The following BARX2 variants were observed in gnomAD, a reference collection of about 807,000 sequenced individuals.
BARX2 encodes the protein BARX homeobox 2, also known as homeobox protein BarH-like 2.
In BARX2, 11 loss-of-function variants were observed where a neutral mutation model predicts 25.5. The ratio of observed to expected loss-of-function variants is 0.43; its 90% CI spans 0.27 to 0.71. The LOEUF (loss-of-function observed/expected upper bound fraction) is 0.71, where lower values mean the gene tolerates loss of function less well. Ranked by LOEUF, BARX2 falls within the 30% of genes least tolerant of loss-of-function variation. The pLI is 0.19. For missense variants in BARX2, 360 were observed against 359.9 expected (o/e 1.00, Z 0.00); for synonymous variants, 137 against 149.5 (o/e 0.92, Z 0.61).
chr11:129,439,486 G>T (rs1591447084), intron 2 of BARX2, among the ~76,000 whole-genome samples: 1 of 152,080 alleles, frequency 6.6e-6, no homozygotes, highest in African/African-American at 2.4e-5. Flanking sequence ...GTGTCCATGT[G>T]TGAGAAGAGG....
intron 2 of BARX2, 50 bp downstream of exon 2, chr11:129,437,101 G>A (rs753646958): frequency 2.0e-5 from 29 of 1,480,640 alleles, no homozygotes; most frequent in Non-Finnish European, 2.4e-5. Context: ...CTGGGAACGG[G>A]AGACTTGCTC....
Position 129,399,203 on chromosome 11 carries a change from G to A in BARX2, c.187+22981G>A, listed in dbSNP as rs1861752005. ...TCAGTATTGTAGGCTCTCTGGGAGT[G>A]CAGTTAATTAGGCAGCTTCTTAATT... On this transcript the variant is annotated intron_variant, in intron 1 of 3. Coordinates refer to ENST00000281437, the MANE Select transcript of BARX2 (RefSeq NM_003658.5). Among the ~76,000 whole-genome samples the A allele has an allele frequency of 2.0e-5, 3 of 152,268 alleles. No individual in the cohort carries two copies. The South Asian group carries it at 6.2e-4, about 32-fold the overall frequency.
At chr11:129,447,078 A>G (rs189038351) in intron 3 of BARX2, among the ~76,000 whole-genome samples, 1 of 152,302 alleles carries the variant, frequency 6.6e-6, no homozygotes, top group Admixed American at 6.5e-5. Context: ...TAAGACTGTT[A>G]GACTCAAATG....
intron 1 of BARX2, among the ~76,000 whole-genome samples, chr11:129,414,103 G>C (rs1012261879): frequency 1.6e-4 from 24 of 151,980 alleles, no homozygotes; most frequent in African/African-American, 4.8e-4. Flanking sequence ...AATAGCTCGG[G>C]GATTATTTAG....
intron 1 of BARX2, among the ~76,000 whole-genome samples, chr11:129,415,024 T>C (rs1479435607): frequency 6.6e-6 from 1 of 152,250 alleles, no homozygotes; most frequent in Admixed American, 6.5e-5. Context: ...TTTTATTTAG[T>C]ACTGTTAATT....
chr11:129,426,800 A>AT (rs10596885), intron 1 of BARX2, among the ~76,000 whole-genome samples: 3,133 of 146,240 alleles, frequency 0.021, 60 homozygotes, highest in Non-Finnish European at 0.029. Flanking sequence ...TTTTCTGTGG[A>AT]TTTTTTTTTT....
chr11:129,375,914 C>G lies in BARX2; in HGVS notation c.-122C>G. On this transcript the variant is annotated 5_prime_UTR_variant, in exon 1 of 4. Transcript: ENST00000281437. This position sits in a 1 kb window ranked among gnomAD's most constrained non-coding sequence, Gnocchi z 4.0. ...CTCTCCTCCGCGCGCCACCCGAGCCCCGCCGCCTCCCCAGCTGCCGGGAGC... is the reference window on the plus strand; with the variant it reads ...CTCTCCTCCGCGCGCCACCCGAGCCGCGCCGCCTCCCCAGCTGCCGGGAGC... 1.4e-5 allele frequency: 7 copies of G among 498,446 alleles called. No individual in the cohort carries two copies. The highest frequency in any genetic ancestry group is 1.8e-5 in the Non-Finnish European group (7 of 385,088). The allele number at this position is 498,446 out of a possible 1,614,324, so 30.9% of individuals were successfully genotyped here. A position where few individuals can be genotyped will look rare whatever the true frequency, so the allele number is the denominator to read the frequency against.
chr11:129,452,030 GTTT>G lies in BARX2; in HGVS notation c.*636_*638del, dbSNP rs144334162. 2 of 146,870 alleles carry G rather than the reference GTTT, an allele frequency of 1.4e-5. No homozygotes were observed. Among genetic ancestry groups the G allele is most frequent in the African/African-American group, 5.0e-5 (2 of 40,128 alleles). 9.1% of individuals were successfully genotyped at this position (146,870 alleles called of 1,614,324 possible). On this transcript the variant is annotated 3_prime_UTR_variant, in exon 4 of 4. Transcript: ENST00000281437. The stretch of plus-strand genomic sequence containing the variant: ...AAGACCCAAGAACTGATAAGCTTTG[GTTT>G]TTTTTTTGTTTTGTTTTGTTTTTTG...
rs569558311 is a variant in BARX2 at position 129,444,849 on chromosome 11, A to G, written c.573+1930A>G. On this transcript the variant is annotated intron_variant, in intron 3 of 3. Coordinates refer to ENST00000281437, the MANE Select transcript of BARX2 (RefSeq NM_003658.5). ...AAGTCCCGCCTCTACTAAAAATACAAAATTAGCTGGGTGTGGTGTTGGTTG... is the reference window on the plus strand; with the variant it reads ...AAGTCCCGCCTCTACTAAAAATACAGAATTAGCTGGGTGTGGTGTTGGTTG... 2.0e-3 allele frequency among the ~76,000 whole-genome samples: 306 copies of G among 152,062 alleles called. 2 individuals carry two copies. Among genetic ancestry groups the G allele is most frequent in the Non-Finnish European group, 3.0e-3 (204 of 67,964 alleles).
At chr11:129,406,161 C>T (rs1861827492) in intron 1 of BARX2, among the ~76,000 whole-genome samples, 2 of 152,224 alleles carry the variant, frequency 1.3e-5, no homozygotes, top group South Asian at 2.1e-4. Flanking sequence ...GATAAACACA[C>T]ATTCATCTGA....
rs1046435151 is a variant in BARX2, at chr11:129,436,883, C to T, written c.320C>T (p.Ser107Phe). ...TGCCACCAGGTCACCGAGGCGGTCT[C>T]TGCTGAGGCCCCAGGGGGCGAGGCC... ...LSCHQVTEAV[S>F]AEAPGGEALA... The change falls in exon 2 of 4, where the codon TCT becomes TTT. Residue 107 changes from serine (S) to phenylalanine (F), a missense_variant. Ser to Phe is a radical substitution (Grantham distance 155). Transcript: ENST00000281437. The surrounding 1 kb of genome is among the most constrained non-coding windows in gnomAD (Gnocchi z 4.5). The T allele has an allele frequency of 6.2e-7, 1 of 1,614,066 alleles. No homozygotes were observed.
intron 1 of BARX2, among the ~76,000 whole-genome samples, chr11:129,405,179 A>G (rs1424840575): frequency 6.6e-6 from 1 of 152,174 alleles, no homozygotes; most frequent in African/African-American, 2.4e-5. Context: ...ATGTGGCTCA[A>G]TTCTGGGATA....
chr11:129,437,022 G>C lies in BARX2; in HGVS notation c.459G>C (p.Gln153His). 1 of 1,590,428 alleles carries C rather than the reference G, an allele frequency of 6.3e-7. No individual in the cohort carries two copies. The highest frequency in any genetic ancestry group is 1.3e-5 in the African/African-American group (1 of 74,360). Residue 153 changes from glutamine (Q) to histidine (H), a missense_variant, in exon 2 of 4, where the codon CAG becomes CAC. Gln to His is a conservative substitution (Grantham distance 24, BLOSUM62 0). Transcript: ENST00000281437. ...TCATGGGCCTGGAGAAGAAATTCCA[G>C]AAGCAGAAGTATTTGTCAACCCCAG... ...LQLMGLEKKF[Q>H]KQKYLSTPDR...
In BARX2 at chr11:129,439,812, A is replaced by C. The variant is rs139435045; in HGVS notation, c.488+2761A>C. On this transcript the variant is annotated intron_variant, in intron 2 of 3. Coordinates refer to ENST00000281437, the MANE Select transcript of BARX2 (RefSeq NM_003658.5). ...GAGAGCCTCATGAACTTGTGCACCC[A>C]GTGGAGTGGGCACCTTTGTCTATGG... is the stretch of plus-strand genomic sequence containing the variant. Among the ~76,000 whole-genome samples, 3 of 152,272 alleles carry C rather than the reference A, an allele frequency of 2.0e-5. No individual in the cohort carries two copies. In the East Asian group the frequency reaches 5.8e-4, roughly 29 times the overall value.
At chr11:129,414,411 T>C (rs1861922585) in intron 1 of BARX2, among the ~76,000 whole-genome samples, 2 of 152,210 alleles carry the variant, frequency 1.3e-5, no homozygotes, top group Admixed American at 1.3e-4. Flanking sequence ...ATTCTAATGT[T>C]GGACTCTGGT....
chr11:129,437,069 G>A lies in BARX2; in HGVS notation c.488+18G>A, dbSNP rs766892634. 3.9e-6 allele frequency: 6 copies of A among 1,531,132 alleles called. No homozygotes were observed. The African/African-American group carries it at 8.3e-5, about 21-fold the overall frequency. The allele number at this position is 1,531,132 out of a possible 1,614,324, so 94.8% of individuals were successfully genotyped here. A position where few individuals can be genotyped will look rare whatever the true frequency, so the allele number is the denominator to read the frequency against. Reference sequence around the variant, plus strand: ...CCAGACAGGTGAGGACGCAGGGAAGGGACTCTCCGCAGTGAAGGCCCCTGG... The same window carrying A: ...CCAGACAGGTGAGGACGCAGGGAAGAGACTCTCCGCAGTGAAGGCCCCTGG... On this transcript the variant is annotated intron_variant, in intron 2 of 3. Coordinates refer to ENST00000281437, the MANE Select transcript of BARX2 (RefSeq NM_003658.5).
chr11:129,401,904 C>G (rs1861779416), intron 1 of BARX2, among the ~76,000 whole-genome samples: 1 of 148,750 alleles, frequency 6.7e-6, no homozygotes, highest in African/African-American at 2.5e-5. Context: ...TGTAGTGAGC[C>G]AAGATTGCAC....
chr11:129,439,912 A>AT (rs10694005), intron 2 of BARX2, among the ~76,000 whole-genome samples: 57 of 151,076 alleles, frequency 3.8e-4, no homozygotes, highest in African/African-American at 9.7e-4. Flanking sequence ...AAGTCAGAGA[A>AT]TTTTTTTTTT....
At position 129,408,773 on chromosome 11, in the gene BARX2, T is replaced by C. The variant is rs148882380; in HGVS notation, c.188-27978T>C. 4.4e-3 allele frequency among the ~76,000 whole-genome samples: 663 copies of C among 152,324 alleles called. 2 individuals carry two copies. Among genetic ancestry groups the C allele is most frequent in the Non-Finnish European group, 6.5e-3 (440 of 68,038 alleles). On this transcript the variant is annotated intron_variant, in intron 1 of 3. Transcript: ENST00000281437. ...ATTTACCCCAAGTCATGATTAAATA[T>C]CTGTTTATATATTTCTTTATTGGAT...
Sources: gnomAD v4.1 joint callset for allele counts (sites outside exome capture counted in the v4.1 genomes callset) on GRCh38, gnomAD v4.1.1 for gene constraint, Gnocchi (gnomAD v3.1) non-coding constraint, MANE v1.5 for transcripts, NCBI Gene and HGNC (gene_info 2026-07-23, HGNC 2026-07-21) for gene names.